Variants in C12orf42 observed in about 807,000 individuals in gnomAD.
C12orf42 encodes chromosome 12 open reading frame 42.
A neutral mutation model predicts 21.6 loss-of-function variants in C12orf42; 25 were observed. The ratio of observed to expected loss-of-function variants is 1.16; its 90% CI spans 0.84 to 1.62. The LOEUF (loss-of-function observed/expected upper bound fraction) is 1.62. C12orf42 is among the 40% of genes most tolerant of loss of function. The pLI is 0.00. For missense variants in C12orf42, 483 were observed against 459.3 expected (o/e 1.05, Z -0.47); for synonymous variants, 174 against 175.0 (o/e 0.99, Z 0.05).
chr12:103,255,039 G>A (rs1267851369), intron 10 of C12orf42, among the ~76,000 whole-genome samples: 1 of 151,892 alleles, frequency 6.6e-6, no homozygotes, highest in African/African-American at 2.4e-5. Context: ...TTTTATTATC[G>A]TATTGTCAAG....
chr12:103,273,852 C>T (rs916084186), intron 5 of C12orf42: 4 of 456,218 alleles, frequency 8.8e-6, no homozygotes, highest in Non-Finnish European at 8.8e-6. Flanking sequence ...CTGATGCACT[C>T]ACAGCAGGTC....
At chr12:103,487,517 C>T (rs1954914984) in intron 1 of C12orf42, among the ~76,000 whole-genome samples, 1 of 152,118 alleles carries the variant, frequency 6.6e-6, no homozygotes, top group Non-Finnish European at 1.5e-5. Context: ...CCTTGTTAAC[C>T]TTCTTTCTCA....
chr12:103,063,982 T>C, the C12orf42 span, among the ~76,000 whole-genome samples: 2 of 152,284 alleles, frequency 1.3e-5, no homozygotes, highest in South Asian at 2.1e-4. Context: ...ATTTGCTTGG[T>C]TAGCTGAAAT....
chr12:103,507,810 T>C, the C12orf42 span, among the ~76,000 whole-genome samples: 1 of 152,180 alleles, frequency 6.6e-6, no homozygotes, highest in African/African-American at 2.4e-5. Flanking sequence ...ATTTAGGACC[T>C]GAACATAGCA....
the C12orf42 span, among the ~76,000 whole-genome samples, chr12:103,053,491 A>G: frequency 3.9e-5 from 6 of 151,952 alleles, no homozygotes; most frequent in Admixed American, 3.9e-4. Context: ...CACATATTCT[A>G]GATACTAGTC....
the C12orf42 span, among the ~76,000 whole-genome samples, chr12:103,231,087 A>T: frequency 1.2e-3 from 176 of 152,334 alleles, 1 homozygote; most frequent in African/African-American, 3.8e-3. Flanking sequence ...TTTCTAAATT[A>T]TCCTTTAAAA....
the C12orf42 span, among the ~76,000 whole-genome samples, chr12:103,184,221 T>C: frequency 6.6e-6 from 1 of 152,202 alleles, no homozygotes; most frequent in Non-Finnish European, 1.5e-5. Flanking sequence ...TTCACATCTT[T>C]TGAGGTTTTA....
At chr12:103,370,240 A>G (rs2045070968) in intron 3 of C12orf42, among the ~76,000 whole-genome samples, 1 of 152,054 alleles carries the variant, frequency 6.6e-6, no homozygotes, top group African/African-American at 2.4e-5. Flanking sequence ...CAGATGCAAG[A>G]TTGCAGAGAA....
the C12orf42 span, among the ~76,000 whole-genome samples, chr12:103,160,099 G>T: frequency 6.6e-6 from 1 of 152,134 alleles, no homozygotes; most frequent in South Asian, 2.1e-4. Context: ...AACTGATAAT[G>T]AGCATTGCGC....
At chr12:103,355,994 T>C (rs992272447) in intron 4 of C12orf42, among the ~76,000 whole-genome samples, 3 of 152,100 alleles carry the variant, frequency 2.0e-5, no homozygotes, top group African/African-American at 7.2e-5. Context: ...TTAGATATTA[T>C]CATGATCCTC....
chr12:103,480,859 T>A (rs1052938575), intron 1 of C12orf42, among the ~76,000 whole-genome samples: 2 of 151,570 alleles, frequency 1.3e-5, no homozygotes, highest in African/African-American at 2.4e-5. Flanking sequence ...TTCAATATTT[T>A]TGAATTATTG....
chr12:103,507,140 TATATAATATAAATA>T, the C12orf42 span, among the ~76,000 whole-genome samples: 176 of 19,492 alleles, frequency 9.0e-3, 11 homozygotes, highest in African/African-American at 0.026. Flanking sequence ...ATATATTATA[TATATAATATAAATA>T]TATATATATA....
chr12:103,120,425 A>T, the C12orf42 span, among the ~76,000 whole-genome samples: 1 of 152,192 alleles, frequency 6.6e-6, no homozygotes, highest in Non-Finnish European at 1.5e-5. Flanking sequence ...TCATTTGCAG[A>T]GGGATGGGAT....
chr12:103,280,308 T>C (rs2036027349), intron 4 of C12orf42, among the ~76,000 whole-genome samples: 2 of 152,058 alleles, frequency 1.3e-5, no homozygotes, highest in Admixed American at 6.6e-5. Context: ...AGAAAAGAGA[T>C]ATATTTCATT....
chr12:103,078,375 G>A, the C12orf42 span, among the ~76,000 whole-genome samples: 3 of 152,230 alleles, frequency 2.0e-5, no homozygotes, highest in South Asian at 6.2e-4. Flanking sequence ...TCTGTGTTTT[G>A]CATTTTATCT....
the C12orf42 span, among the ~76,000 whole-genome samples, chr12:103,201,917 ATAAG>A: frequency 2.0e-5 from 3 of 152,302 alleles, no homozygotes; most frequent in East Asian, 1.9e-4. Flanking sequence ...TAAGCAAGTA[ATAAG>A]TAATTAGCCA....
At chr12:103,135,885 C>T in the C12orf42 span, among the ~76,000 whole-genome samples, 1 of 152,172 alleles carries the variant, frequency 6.6e-6, no homozygotes, top group Non-Finnish European at 1.5e-5. Context: ...TCTCAACAAA[C>T]TAGACATTGG....
chr12:103,308,338 TAA>T (rs2136582740), intron 4 of C12orf42, among the ~76,000 whole-genome samples: 1 of 152,302 alleles, frequency 6.6e-6, no homozygotes, highest in African/African-American at 2.4e-5. Context: ...AAAATCAAAT[TAA>T]CAGTTGTTTC....
chr12:103,371,514 T>C (rs1201850443), intron 3 of C12orf42, among the ~76,000 whole-genome samples: 3 of 152,180 alleles, frequency 2.0e-5, no homozygotes, highest in African/African-American at 2.4e-5. Flanking sequence ...TGCTTGATAT[T>C]GAGTAAAGTC....
Sources: gnomAD v4.1 joint callset for allele counts (sites outside exome capture counted in the v4.1 genomes callset) on GRCh38, gnomAD v4.1.1 for gene constraint, MANE v1.5 for transcripts, NCBI Gene and HGNC (gene_info 2026-07-23, HGNC 2026-07-21) for gene names.